Variants in BRD4 observed in about 807,000 individuals in gnomAD.
The protein encoded by BRD4 is bromodomain containing 4, also known as bromodomain-containing protein 4.
BRD4 carries 16 observed loss-of-function variants against 142.1 expected under a neutral mutation model. That is an observed-to-expected ratio of 0.11 (90% CI 0.08 to 0.17). The LOEUF (loss-of-function observed/expected upper bound fraction) is 0.17. Among genes scored for constraint, BRD4 ranks in the 10% least tolerant of loss-of-function variants. The pLI is 1.00. For synonymous variants in BRD4, 833 were observed against 707.5 expected (o/e 1.18, Z -2.82); for missense variants, 1,424 against 1,810.9 (o/e 0.79, Z 3.88).
At chr19:15,275,143 G>A (rs2047632877) in intron 1 of BRD4, among the ~76,000 whole-genome samples, 1 of 152,196 alleles carries the variant, frequency 6.6e-6, no homozygotes, top group South Asian at 2.1e-4. Flanking sequence ...ACAGGCGTGA[G>A]CCACCATGCC....
At chr19:15,295,371 G>T (rs1205498502) in intron 1 of BRD4, among the ~76,000 whole-genome samples, 2 of 152,206 alleles carry the variant, frequency 1.3e-5, no homozygotes, top group Non-Finnish European at 2.9e-5. Flanking sequence ...GGAATACCTT[G>T]TTCTCCAAGA....
intron 1 of BRD4, among the ~76,000 whole-genome samples, chr19:15,327,929 G>GGGGT (rs1352463997): frequency 1.1e-5 from 1 of 93,452 alleles, no homozygotes; most frequent in Non-Finnish European, 2.1e-5. Context: ...GGGGGGGGGG[G>GGGGT]GTGGAAATGT....
intron 1 of BRD4, among the ~76,000 whole-genome samples, chr19:15,306,107 CACT>C (rs781526043): frequency 6.6e-6 from 1 of 152,182 alleles, no homozygotes. Flanking sequence ...CTATCCAGAC[CACT>C]ACAACTTTCT....
intron 1 of BRD4, among the ~76,000 whole-genome samples, chr19:15,306,861 T>C (rs1200994989): frequency 6.6e-6 from 1 of 152,080 alleles, no homozygotes; most frequent in Non-Finnish European, 1.5e-5. Context: ...ACAGATATAA[T>C]AGTCTGAAAC....
intron 1 of BRD4, among the ~76,000 whole-genome samples, chr19:15,327,531 A>G (rs1345708861): frequency 2.0e-5 from 3 of 152,156 alleles, no homozygotes; most frequent in African/African-American, 7.2e-5. Flanking sequence ...GCGACACAGC[A>G]AGACTCCGTC....
chr19:15,256,283 G>C lies in BRD4; in HGVS notation c.1552-20C>G. The C allele has an allele frequency of 3.1e-6, 5 of 1,603,660 alleles. No individual in the cohort carries two copies. The highest frequency in any genetic ancestry group is 2.0e-4 in the Middle Eastern group (1 of 5,108). On this transcript the variant is annotated intron_variant, in intron 8 of 19. Coordinates refer to ENST00000679869, the MANE Select transcript of BRD4 (RefSeq NM_001379291.1). ...TTTGAGCTGTAGACCAGACAGGCAA[G>C]ACACACACTCAGGGCTGAAACCACC...
At position 15,265,385 on chromosome 19, in the gene BRD4, G is replaced by A. The variant is rs1296531466; in HGVS notation, c.818C>T (p.Pro273Leu). 3.9e-6 allele frequency: 6 copies of A among 1,518,996 alleles called. No homozygotes were observed. Among genetic ancestry groups the A allele is most frequent in the Non-Finnish European group, 5.3e-6 (6 of 1,136,192 alleles). The allele number at this position is 1,518,996 out of a possible 1,614,324, so 94.1% of individuals were successfully genotyped here. The part of the protein sequence containing the change: ...PAPQPVQSHP[P>L]IIAATPQPVK... ...AGGCTGTGGGGTGGCCGCGATGATG[G>A]GTGGGTGGCTCTGTACGGGCTGGGG... is the stretch of plus-strand genomic sequence containing the variant. Residue 273 changes from proline to leucine, a missense_variant, in exon 5 of 20, where the codon CCC (proline) becomes CTC (leucine). This residue lies in a region of BRD4 where 140 missense variants were observed against 131.7 expected (regional missense o/e 1.06). Coordinates refer to ENST00000679869, the MANE Select transcript of BRD4 (RefSeq NM_001379291.1).
At chr19:15,286,140 C>T (rs1235975701) in intron 1 of BRD4, among the ~76,000 whole-genome samples, 1 of 152,198 alleles carries the variant, frequency 6.6e-6, no homozygotes, top group Non-Finnish European at 1.5e-5. Context: ...GACCTAAGGC[C>T]AAAAGCCAGA....
chr19:15,242,859 A>C (rs1318243578), intron 14 of BRD4, 41 bp downstream of exon 14: 2 of 1,573,690 alleles, frequency 1.3e-6, no homozygotes, highest in Admixed American at 3.7e-5. Flanking sequence ...CTATAGGCCC[A>C]GCACCAGCCT....
At chr19:15,253,648 C>A in intron 11 of BRD4, 1 of 1,597,634 alleles carries the variant, frequency 6.3e-7, no homozygotes, top group South Asian at 1.1e-5. Flanking sequence ...AGCAGACTGG[C>A]GATGCGGCTG....
intron 1 of BRD4, among the ~76,000 whole-genome samples, chr19:15,288,928 C>A (rs2047760698): frequency 6.6e-6 from 1 of 152,188 alleles, no homozygotes; most frequent in Non-Finnish European, 1.5e-5. Context: ...CCCACTGTGT[C>A]AAGGCGGCTG....
intron 3 of BRD4, among the ~76,000 whole-genome samples, chr19:15,268,436 A>G (rs1427522070): frequency 6.6e-6 from 1 of 152,094 alleles, no homozygotes; most frequent in Non-Finnish European, 1.5e-5. Flanking sequence ...CCAGCAGACC[A>G]TCACCCACAG....
At chr19:15,317,893 T>C (rs555057935) in intron 1 of BRD4, among the ~76,000 whole-genome samples, 6 of 152,348 alleles carry the variant, frequency 3.9e-5, no homozygotes, top group South Asian at 2.1e-4. Flanking sequence ...GTGGTATTAT[T>C]TCCAGGCAGC....
intron 1 of BRD4, among the ~76,000 whole-genome samples, chr19:15,314,501 G>A (rs112364052): frequency 0.012 from 1,779 of 152,166 alleles, 21 homozygotes; most frequent in Middle Eastern, 0.02. Context: ...TCTTATTTCC[G>A]ACGTCCTATT....
chr19:15,263,965 CT>C (rs2047502655), intron 6 of BRD4, among the ~76,000 whole-genome samples: 1 of 152,234 alleles, frequency 6.6e-6, no homozygotes, highest in Non-Finnish European at 1.5e-5. Context: ...AGTCTTAAAA[CT>C]AAAAAAGCCT....
chr19:15,242,176 A>G (rs1009257281), intron 14 of BRD4, among the ~76,000 whole-genome samples: 25 of 152,042 alleles, frequency 1.6e-4, no homozygotes, highest in Admixed American at 1.6e-3. Flanking sequence ...CTTGATTTGC[A>G]GGCAGCACCC....
At position 15,254,266 on chromosome 19, in the gene BRD4, C is replaced by G; in HGVS notation, c.2048-4G>C. The G allele has an allele frequency of 6.2e-7, 1 of 1,612,792 alleles. No homozygotes were observed. The highest frequency in any genetic ancestry group is 8.5e-7 in the Non-Finnish European group (1 of 1,178,816). On this transcript the variant is annotated splice_polypyrimidine_tract_variant and splice_region_variant and intron_variant, in intron 10 of 19. Coordinates refer to ENST00000679869, the MANE Select transcript of BRD4 (RefSeq NM_001379291.1). Reference sequence around the variant, plus strand: ...GCAATCACATCAACTTTCTCAGCTGCAATCCAAGCAATGGGAGCTGGTCAG... The same window carrying G: ...GCAATCACATCAACTTTCTCAGCTGGAATCCAAGCAATGGGAGCTGGTCAG...
intron 1 of BRD4, among the ~76,000 whole-genome samples, chr19:15,277,442 C>T (rs183143063): frequency 1.3e-4 from 20 of 152,228 alleles, no homozygotes; most frequent in Middle Eastern, 3.4e-3. Flanking sequence ...GCACTATATT[C>T]AACAGTGTCA....
chr19:15,309,132 G>A (rs1423967504), intron 1 of BRD4, among the ~76,000 whole-genome samples: 3 of 151,852 alleles, frequency 2.0e-5, no homozygotes, highest in Admixed American at 6.6e-5. Context: ...GTCAGATCAA[G>A]ACCATCCTGG....
Sources: gnomAD v4.1 joint callset for allele counts (sites outside exome capture counted in the v4.1 genomes callset) on GRCh38, gnomAD v4.1.1 for gene constraint, gnomAD v4.1.1 regional missense constraint, MANE v1.5 for transcripts, NCBI Gene and HGNC (gene_info 2026-07-23, HGNC 2026-07-21) for gene names.